Variants in SDCCAG8 observed in about 807,000 individuals in gnomAD.
The protein encoded by SDCCAG8 is SHH signaling and ciliogenesis regulator SDCCAG8.
A neutral mutation model predicts 101.8 loss-of-function variants in SDCCAG8; 74 were observed. The ratio of observed to expected loss-of-function variants is 0.73; its 90% CI spans 0.60 to 0.88. The LOEUF (loss-of-function observed/expected upper bound fraction) is 0.88, where lower values mean the gene tolerates loss of function less well. SDCCAG8 is among the 40% of genes least tolerant of loss of function. The pLI, the probability that SDCCAG8 is intolerant of heterozygous loss-of-function variation, is 0.00. For synonymous variants in SDCCAG8, 281 were observed against 292.9 expected (o/e 0.96, Z 0.41); for missense variants, 787 against 822.6 (o/e 0.96, Z 0.53).
At chr1:243,267,060 C>A (rs561059868) in intron 1 of SDCCAG8, among the ~76,000 whole-genome samples, 3 of 151,646 alleles carry the variant, frequency 2.0e-5, no homozygotes, top group Non-Finnish European at 2.9e-5. Context: ...CTCGCTAACA[C>A]GGTGAAACCC....
Position 243,307,993 on chromosome 1 carries a change from G to C in SDCCAG8, c.745G>C (p.Asp249His). 4 of 1,613,694 alleles carry C rather than the reference G, an allele frequency of 2.5e-6. No individual in the cohort carries two copies. Among genetic ancestry groups the C allele is most frequent in the Non-Finnish European group, 3.4e-6 (4 of 1,179,950 alleles). ...EESQLKFLRN[D>H]LAEYQRTCED... ...ATTTTTTCACCCTCTTTTTAGGAAC[G>C]ACTTAGCTGAATATCAGAGAACTTG... Residue 249 changes from aspartate to histidine, a missense_variant, in exon 8 of 18, where the codon GAC becomes CAC. Transcript: ENST00000366541.
At chr1:243,373,302 C>T (rs2077412404) in intron 12 of SDCCAG8, among the ~76,000 whole-genome samples, 1 of 152,008 alleles carries the variant, frequency 6.6e-6, no homozygotes, top group Admixed American at 6.6e-5. Context: ...GAGATACCTG[C>T]CCTATATGTT....
chr1:243,497,339 G>GA, intron 17 of SDCCAG8, among the ~76,000 whole-genome samples: 1 of 143,608 alleles, frequency 7.0e-6, no homozygotes, highest in East Asian at 2.0e-4. Context: ...GGCACGGGTG[G>GA]GGGGGGGGGC....
At chr1:243,467,541 A>G (rs531961550) in intron 16 of SDCCAG8, among the ~76,000 whole-genome samples, 2 of 152,336 alleles carry the variant, frequency 1.3e-5, no homozygotes, top group African/African-American at 2.4e-5. Flanking sequence ...GTGCACCGCA[A>G]ATCCACATTT....
chr1:243,352,291 CT>C (rs1159142640), intron 12 of SDCCAG8, among the ~76,000 whole-genome samples: 2 of 152,046 alleles, frequency 1.3e-5, no homozygotes, highest in Admixed American at 6.5e-5. Context: ...AAATATTTGC[CT>C]TTGGATGGGA....
chr1:243,341,275 T>G, intron 11 of SDCCAG8, 102 bp downstream of exon 11: 1 of 1,359,166 alleles, frequency 7.4e-7, no homozygotes, highest in Non-Finnish European at 1.0e-6. Context: ...GGAGGAAGTT[T>G]GGAGTAGAAA....
rs1285653037 is a variant in SDCCAG8, at chr1:243,310,184, A to G, written c.929+2007A>G. On this transcript the variant is annotated intron_variant, in intron 8 of 17. Coordinates refer to ENST00000366541, the MANE Select transcript of SDCCAG8 (RefSeq NM_006642.5). ...GCCCGACTGGTAGTTTTTATGACCT[A>G]TACTGCTTGGTTCTGTTTTTGTTAA... is the stretch of plus-strand genomic sequence containing the variant. Among the ~76,000 whole-genome samples, 6 of 152,000 alleles carry G rather than the reference A, an allele frequency of 3.9e-5. No homozygotes were observed. In the East Asian group the frequency reaches 5.8e-4, roughly 15 times the overall value.
In SDCCAG8 at chr1:243,474,638, G is replaced by T. The variant is rs559903249; in HGVS notation, c.1986-14376G>T. Among the ~76,000 whole-genome samples the T allele has an allele frequency of 6.6e-6, 1 of 152,230 alleles. No individual in the cohort carries two copies. The highest frequency in any genetic ancestry group is 1.5e-5 in the Non-Finnish European group (1 of 68,032). On this transcript the variant is annotated intron_variant, in intron 16 of 17. Coordinates refer to ENST00000366541, the MANE Select transcript of SDCCAG8 (RefSeq NM_006642.5). The surrounding 1 kb of genome is among the most constrained non-coding windows in gnomAD (Gnocchi z 4.7). The stretch of plus-strand genomic sequence containing the variant: ...CGGTGGCCCGAGAGCAGGTGCTGGC[G>T]TGCGGGAGGCGCACGTGGAGCCCTG...
At chr1:243,399,489 C>A (rs1419229399) in intron 13 of SDCCAG8, among the ~76,000 whole-genome samples, 1 of 152,000 alleles carries the variant, frequency 6.6e-6, no homozygotes, top group Middle Eastern at 3.2e-3. Context: ...CTTCTTAGAA[C>A]TTTTTTTAAT....
At chr1:243,457,709 C>T (rs1028555300) in intron 16 of SDCCAG8, among the ~76,000 whole-genome samples, 2 of 152,122 alleles carry the variant, frequency 1.3e-5, no homozygotes, top group Non-Finnish European at 2.9e-5. Context: ...TGATTTAAGT[C>T]GCTCAAAATT....
At position 243,265,900 on chromosome 1, in the gene SDCCAG8, AT is replaced by A. The variant is rs1010632372; in HGVS notation, c.68-4197del. On this transcript the variant is annotated intron_variant, in intron 1 of 17. Transcript: ENST00000366541. ...TTTTAACTATGCAAATTCTTTCCATATTTTTTTTCTTTTTCCTAATATAGTT... is the reference window on the plus strand; with the variant it reads ...TTTTAACTATGCAAATTCTTTCCATATTTTTTTCTTTTTCCTAATATAGTT... 2.4e-3 allele frequency among the ~76,000 whole-genome samples: 357 copies of A among 151,754 alleles called. 1 individual carries two copies. Among genetic ancestry groups the A allele is most frequent in the African/African-American group, 8.3e-3 (342 of 41,408 alleles).
intron 6 of SDCCAG8, among the ~76,000 whole-genome samples, chr1:243,301,337 G>A (rs188221127): frequency 6.6e-6 from 1 of 152,176 alleles, no homozygotes; most frequent in East Asian, 1.9e-4. Flanking sequence ...GCATATCACA[G>A]TAAAAAGTGA....
chr1:243,360,778 C>T (rs1470287607), intron 12 of SDCCAG8, among the ~76,000 whole-genome samples: 4 of 151,966 alleles, frequency 2.6e-5, no homozygotes, highest in South Asian at 2.1e-4. Context: ...GCCGGGATTG[C>T]GCCACTGCAC....
intron 16 of SDCCAG8, among the ~76,000 whole-genome samples, chr1:243,471,065 T>C (rs1402685746): frequency 6.6e-6 from 1 of 152,106 alleles, no homozygotes; most frequent in Non-Finnish European, 1.5e-5. Flanking sequence ...CCCTCTTTTG[T>C]TGGGGGATGG....
chr1:243,383,998 C>T (rs1428415578), intron 13 of SDCCAG8, among the ~76,000 whole-genome samples: 1 of 152,140 alleles, frequency 6.6e-6, no homozygotes, highest in Non-Finnish European at 1.5e-5. Flanking sequence ...CTACCTAGGC[C>T]TCCCCATTGA....
At position 243,499,753 on chromosome 1, in the gene SDCCAG8, C is replaced by CAGTT; in HGVS notation, c.2113-1_2115dup. On this transcript the variant is annotated splice_polypyrimidine_tract_variant and splice_region_variant and intron_variant, in intron 17 of 17. Transcript: ENST00000366541. ...GAAACTTACTTTTTATTATTTTTTCCAGTTACCCAGCATGCCACAATCTGA... is the reference window on the plus strand; with the variant it reads ...GAAACTTACTTTTTATTATTTTTTCCAGTTAGTTACCCAGCATGCCACAATCTGA... 6.2e-7 allele frequency: 1 copy of CAGTT among 1,610,444 alleles called. No homozygotes were observed. Among genetic ancestry groups the CAGTT allele is most frequent in the Non-Finnish European group, 8.5e-7 (1 of 1,176,948 alleles).
At chr1:243,443,551 C>G (rs1359121659) in intron 16 of SDCCAG8, among the ~76,000 whole-genome samples, 1 of 152,224 alleles carries the variant, frequency 6.6e-6, no homozygotes, top group African/African-American at 2.4e-5. Context: ...CGCAAGGCAG[C>G]TAGACCCCAC....
intron 6 of SDCCAG8, among the ~76,000 whole-genome samples, chr1:243,299,770 A>G (rs1441802351): frequency 6.6e-6 from 1 of 151,890 alleles, no homozygotes; most frequent in Admixed American, 6.6e-5. Context: ...GATTATTTAT[A>G]CAACTCAGTT....
At chr1:243,392,616 G>A (rs2078768684) in intron 13 of SDCCAG8, among the ~76,000 whole-genome samples, 1 of 152,140 alleles carries the variant, frequency 6.6e-6, no homozygotes, top group Non-Finnish European at 1.5e-5. Context: ...AGTGAAAATC[G>A]AGCCCAGATC....
Sources: gnomAD v4.1 joint callset for allele counts (sites outside exome capture counted in the v4.1 genomes callset) on GRCh38, gnomAD v4.1.1 for gene constraint, Gnocchi (gnomAD v3.1) non-coding constraint, MANE v1.5 for transcripts, NCBI Gene and HGNC (gene_info 2026-07-23, HGNC 2026-07-21) for gene names.